The following KMT5B variants were observed in gnomAD, a reference collection of about 807,000 sequenced individuals.
The protein encoded by KMT5B is lysine methyltransferase 5B, also known as histone-lysine N-methyltransferase KMT5B.
In KMT5B, 10 loss-of-function variants were observed where a neutral mutation model predicts 83.2. That is an observed-to-expected ratio of 0.12 (90% CI 0.07 to 0.20). The LOEUF (loss-of-function observed/expected upper bound fraction) is 0.20, where lower values mean the gene tolerates loss of function less well. Among genes scored for constraint, KMT5B ranks in the 10% least tolerant of loss-of-function variants. KMT5B has a pLI of 1.00. For missense variants in KMT5B, 753 were observed against 1,067.2 expected (o/e 0.71, Z 4.10); for synonymous variants, 349 against 388.8 (o/e 0.90, Z 1.20).
In KMT5B at chr11:68,155,167, TA is replaced by T. The variant is rs1859202618; in HGVS notation, c.*2520del. On this transcript the variant is annotated 3_prime_UTR_variant, in exon 11 of 11. Coordinates refer to ENST00000304363, the MANE Select transcript of KMT5B (RefSeq NM_017635.5). ...AACCAATCATTGCATAAGCTCAAGCTAAGAGTTTTATTGAATGCAACCTCTT... is the reference window on the plus strand; with the variant it reads ...AACCAATCATTGCATAAGCTCAAGCTAGAGTTTTATTGAATGCAACCTCTT... 6.6e-6 allele frequency: 1 copy of T among 152,252 alleles called. No homozygotes were observed. Among genetic ancestry groups the T allele is most frequent in the Non-Finnish European group, 1.5e-5 (1 of 68,036 alleles). The allele number at this position is 152,252 out of a possible 1,614,324, so 9.4% of individuals were successfully genotyped here. A position where few individuals can be genotyped will look rare whatever the true frequency, so the allele number is the denominator to read the frequency against.
intron 3 of KMT5B, among the ~76,000 whole-genome samples, chr11:68,185,555 C>A (rs1038188783): frequency 6.6e-6 from 1 of 152,160 alleles, no homozygotes; most frequent in African/African-American, 2.4e-5. Flanking sequence ...CAGCTTTATA[C>A]GTTAATAGAA....
intron 4 of KMT5B, among the ~76,000 whole-genome samples, chr11:68,177,583 A>C (rs1383965160): frequency 1.3e-5 from 2 of 152,174 alleles, no homozygotes; most frequent in Non-Finnish European, 2.9e-5. Context: ...TACACACTCT[A>C]GTCATTTTTT....
Position 68,158,196 on chromosome 11 carries a change from T to C in KMT5B, c.2150A>G (p.Lys717Arg). The C allele has an allele frequency of 2.5e-6, 4 of 1,614,204 alleles. No homozygotes were observed. Among genetic ancestry groups the C allele is most frequent in the African/African-American group, 2.7e-5 (2 of 75,062 alleles). Residue 717 changes from lysine to arginine, a missense_variant, in exon 11 of 11, where the codon AAA becomes AGA. Lys to Arg is a conservative substitution (Grantham distance 26, BLOSUM62 2). Coordinates refer to ENST00000304363, the MANE Select transcript of KMT5B (RefSeq NM_017635.5). ...ATCATGACGCCTACGAAGAGTCAAT[T>C]TGGGAATCCCAGAGTTATTTTCTAG... is the stretch of plus-strand genomic sequence containing the variant. The part of the protein sequence containing the change: ...LILENNSGIP[K>R]LTLRRRHDSS...
At chr11:68,187,591 T>C (rs1265985828) in intron 2 of KMT5B, among the ~76,000 whole-genome samples, 2 of 152,224 alleles carry the variant, frequency 1.3e-5, no homozygotes, top group African/African-American at 4.8e-5. Flanking sequence ...AAGCTTGTTA[T>C]ACGGTCTAGC....
rs541784453 is a variant in KMT5B at position 68,160,865 on chromosome 11, T to C, written c.1175-1694A>G. 3.9e-5 allele frequency among the ~76,000 whole-genome samples: 6 copies of C among 152,278 alleles called. No homozygotes were observed. The South Asian group carries it at 1.2e-3, about 32-fold the overall frequency. Reference sequence around the variant, plus strand: ...GGGAGGCTGAGGCAGGAGAATCACTTGAACCTGGGAGGCAGAGTTTGCAGT... The same window carrying C: ...GGGAGGCTGAGGCAGGAGAATCACTCGAACCTGGGAGGCAGAGTTTGCAGT... On this transcript the variant is annotated intron_variant, in intron 10 of 10. Transcript: ENST00000304363.
intron 2 of KMT5B, 95 bp from the exon 3 acceptor site, chr11:68,186,023 TAAAG>T (rs1857405600): frequency 1.8e-6 from 2 of 1,121,796 alleles, no homozygotes; most frequent in African/African-American, 1.6e-5. Flanking sequence ...AAGCTGGTAA[TAAAG>T]AACTGAAAAA....
At chr11:68,169,198 T>C (rs1855609319) in intron 9 of KMT5B, among the ~76,000 whole-genome samples, 2 of 152,162 alleles carry the variant, frequency 1.3e-5, no homozygotes, top group East Asian at 1.9e-4. Context: ...TTTTCACCAG[T>C]GAGAAAACAG....
chr11:68,173,588 G>A (rs1259130749), intron 6 of KMT5B, among the ~76,000 whole-genome samples: 1 of 152,116 alleles, frequency 6.6e-6, no homozygotes, highest in Non-Finnish European at 1.5e-5. Context: ...AAAGGAAAAT[G>A]AAAAGCAATT....
At chr11:68,207,586 T>C in intron 1 of KMT5B, among the ~76,000 whole-genome samples, 1 of 151,726 alleles carries the variant, frequency 6.6e-6, no homozygotes, top group African/African-American at 2.4e-5. Context: ...AGGTCAAGAA[T>C]TCGAGACCAG....
Position 68,157,663 on chromosome 11 carries a change from C to T in KMT5B, c.*25G>A. 2 of 1,511,504 alleles carry T rather than the reference C, an allele frequency of 1.3e-6. No homozygotes were observed. The highest frequency in any genetic ancestry group is 1.8e-6 in the Non-Finnish European group (2 of 1,133,228). The allele number at this position is 1,511,504 out of a possible 1,614,324, so 93.6% of individuals were successfully genotyped here. On this transcript the variant is annotated 3_prime_UTR_variant, in exon 11 of 11. Transcript: ENST00000304363. The stretch of plus-strand genomic sequence containing the variant: ...TTTTTTATTTCTTTAAAGTAGTTAT[C>T]CCAGGTCAAGTTAAGACCAAGAGCT...
intron 1 of KMT5B, among the ~76,000 whole-genome samples, chr11:68,194,242 G>A (rs977101125): frequency 4.0e-5 from 6 of 148,718 alleles, no homozygotes; most frequent in Non-Finnish European, 3.0e-5. Flanking sequence ...CCAGGCTGGA[G>A]TGCAGTGTCC....
intron 3 of KMT5B, among the ~76,000 whole-genome samples, chr11:68,183,305 T>G (rs551799242): frequency 2.6e-5 from 4 of 151,744 alleles, no homozygotes; most frequent in African/African-American, 9.7e-5. Context: ...ACTGGTCTCA[T>G]GTTCAATGGG....
intron 6 of KMT5B, among the ~76,000 whole-genome samples, chr11:68,172,834 C>T (rs1855976863): frequency 6.6e-6 from 1 of 152,058 alleles, no homozygotes; most frequent in Admixed American, 6.6e-5. Flanking sequence ...ACACACTCAC[C>T]CCAGAGGCCT....
intron 9 of KMT5B, among the ~76,000 whole-genome samples, chr11:68,169,432 G>C (rs1337769369): frequency 6.6e-6 from 1 of 152,038 alleles, no homozygotes; most frequent in African/African-American, 2.4e-5. Flanking sequence ...TGTATTCTGG[G>C]GATATAGCGG....
rs955103348 is a variant in KMT5B at position 68,171,969 on chromosome 11, A to G, written c.654-260T>C. ...AACCAGGACAGGGACTATGCCACCT[A>G]TGTCTCTGAATGCCCTGGTGTGGTG... On this transcript the variant is annotated intron_variant, in intron 6 of 10. Coordinates refer to ENST00000304363, the MANE Select transcript of KMT5B (RefSeq NM_017635.5). The surrounding 1 kb of genome is among the most constrained non-coding windows in gnomAD (Gnocchi z 5.1). Among the ~76,000 whole-genome samples the G allele has an allele frequency of 1.3e-5, 2 of 150,868 alleles. No individual in the cohort carries two copies. The highest frequency in any genetic ancestry group is 4.9e-5 in the African/African-American group (2 of 41,122).
At chr11:68,195,986 G>A (rs558324827) in intron 1 of KMT5B, among the ~76,000 whole-genome samples, 12 of 152,106 alleles carry the variant, frequency 7.9e-5, no homozygotes, top group African/African-American at 2.9e-4. Context: ...GTGAAACCCC[G>A]TCTCTACCAA....
intron 10 of KMT5B, chr11:68,166,602 A>G (rs1248317264): frequency 3.0e-6 from 3 of 1,010,564 alleles, no homozygotes; most frequent in Non-Finnish European, 3.5e-6. Flanking sequence ...CAAACTGGCT[A>G]GGCACTGGAA....
chr11:68,209,915 G>A (rs1040425069), intron 1 of KMT5B, among the ~76,000 whole-genome samples: 32 of 151,128 alleles, frequency 2.1e-4, no homozygotes, highest in South Asian at 2.1e-4. Context: ...CGCCCAGGCT[G>A]GAGTGCAGTG....
intron 1 of KMT5B, among the ~76,000 whole-genome samples, chr11:68,190,579 A>T (rs1474963354): frequency 1.3e-5 from 2 of 152,254 alleles, no homozygotes; most frequent in Non-Finnish European, 2.9e-5. Context: ...AGTGATATGG[A>T]TAATCCCGAC....
Sources: allele counts gnomAD v4.1 joint callset (sites outside exome capture counted in the v4.1 genomes callset), GRCh38; gene constraint gnomAD v4.1.1; non-coding constraint Gnocchi (gnomAD v3.1); transcripts MANE v1.5; gene names NCBI Gene and HGNC (gene_info 2026-07-23, HGNC 2026-07-21).